FRMPD4: variants seen among roughly 807,000 people sequenced by gnomAD.
FRMPD4 encodes the protein FERM and PDZ domain-containing protein 4.
In FRMPD4, 22 loss-of-function variants were observed where a neutral mutation model predicts 94.1. The observed-to-expected ratio is 0.23, with a 90% CI of 0.17 to 0.33. FRMPD4 has a LOEUF of 0.33. Ranked by LOEUF, FRMPD4 falls within the 10% of genes least tolerant of loss-of-function variation. The pLI, the probability that FRMPD4 is intolerant of heterozygous loss-of-function variation, is 1.00. For synonymous variants in FRMPD4, 631 were observed against 548.6 expected (o/e 1.15, Z -2.10); for missense variants, 1,111 against 1,339.9 (o/e 0.83, Z 2.67).
chrX:11,915,347 A>G (rs925896640), intron 3 of FRMPD4, among the ~76,000 whole-genome samples: 2 of 112,523 alleles, frequency 1.8e-5, no homozygotes, highest in African/African-American at 6.5e-5. Flanking sequence ...CACATGCTGC[A>G]CAATGGAAAC....
chrX:12,645,347 CTTTTTTT>C (rs138817056), intron 4 of FRMPD4, among the ~76,000 whole-genome samples: 7 of 55,641 alleles, frequency 1.3e-4, no homozygotes, highest in South Asian at 1.1e-3. Context: ...CACTCTCACT[CTTTTTTT>C]TTTTTTTTTT....
chrX:12,128,374 CT>C (rs74822735), intron 3 of FRMPD4, among the ~76,000 whole-genome samples: 1 of 111,919 alleles, frequency 8.9e-6, no homozygotes, highest in African/African-American at 3.3e-5. Flanking sequence ...TGAGCTATAC[CT>C]TGACCCCTTT....
chrX:12,035,544 A>C (rs1473053214), intron 3 of FRMPD4, among the ~76,000 whole-genome samples: 1 of 112,269 alleles, frequency 8.9e-6, no homozygotes, highest in Non-Finnish European at 1.9e-5. Flanking sequence ...CTGTATTTCA[A>C]GGTTAACACT....
At chrX:11,928,848 A>G (rs1394027967) in intron 3 of FRMPD4, among the ~76,000 whole-genome samples, 1 of 112,742 alleles carries the variant, frequency 8.9e-6, no homozygotes, top group Non-Finnish European at 1.9e-5. Flanking sequence ...TAGCAAAGAT[A>G]TGGAATAAAC....
chrX:12,095,178 A>T (rs992331756), intron 3 of FRMPD4, among the ~76,000 whole-genome samples: 1 of 110,910 alleles, frequency 9.0e-6, no homozygotes, highest in Non-Finnish European at 1.9e-5. Context: ...GGAATTTGAA[A>T]CCACCCTGGG....
At chrX:12,393,596 T>A (rs1289188973) in intron 1 of FRMPD4, among the ~76,000 whole-genome samples, 1 of 112,268 alleles carries the variant, frequency 8.9e-6, no homozygotes, top group Non-Finnish European at 1.9e-5. Context: ...GCCCCATTTT[T>A]AAATAACCAA....
intron 3 of FRMPD4, among the ~76,000 whole-genome samples, chrX:11,969,826 G>A (rs543469682): frequency 2.7e-5 from 3 of 111,581 alleles, no homozygotes; most frequent in South Asian, 7.7e-4. Flanking sequence ...TAATCGTTTC[G>A]TAGACTATTA....
intron 3 of FRMPD4, among the ~76,000 whole-genome samples, chrX:12,037,179 T>C (rs1326780854): frequency 8.9e-6 from 1 of 111,764 alleles, no homozygotes; most frequent in Admixed American, 9.5e-5. Context: ...CTCAGCTGGA[T>C]GATAGGTAAA....
chrX:12,589,939 A>G (rs2058966166), intron 2 of FRMPD4, among the ~76,000 whole-genome samples: 1 of 112,126 alleles, frequency 8.9e-6, no homozygotes, highest in Non-Finnish European at 1.9e-5. Context: ...TCAGGTCTCA[A>G]TTTGAGACAT....
At chrX:11,846,229 A>G (rs1450081656) in intron 1 of FRMPD4, among the ~76,000 whole-genome samples, 12 of 107,602 alleles carry the variant, frequency 1.1e-4, no homozygotes, top group Admixed American at 1.0e-3. Context: ...ATTCTTATAC[A>G]CCAATAACAG....
intron 1 of FRMPD4, among the ~76,000 whole-genome samples, chrX:12,252,554 A>G (rs1389117949): frequency 8.9e-6 from 1 of 112,226 alleles, no homozygotes; most frequent in Non-Finnish European, 1.9e-5. Flanking sequence ...TCTAGAGGAA[A>G]TGAAAGAGAT....
chrX:12,115,727 A>G (rs5935242), intron 3 of FRMPD4, among the ~76,000 whole-genome samples: 1 of 107,558 alleles, frequency 9.3e-6, no homozygotes, highest in Non-Finnish European at 1.9e-5. Context: ...ATGTCCCTTC[A>G]TTTAGCCTAA....
intron 1 of FRMPD4, among the ~76,000 whole-genome samples, chrX:12,407,541 G>A (rs766664902): frequency 1.8e-5 from 2 of 111,926 alleles, no homozygotes; most frequent in Non-Finnish European, 3.8e-5. Context: ...ATGAAATAAG[G>A]TACTTAAGGC....
At chrX:12,360,655 A>T (rs1335084737) in intron 1 of FRMPD4, among the ~76,000 whole-genome samples, 1 of 111,633 alleles carries the variant, frequency 9.0e-6, no homozygotes, top group African/African-American at 3.3e-5. Flanking sequence ...ACAGGTACTA[A>T]AATCTCATCA....
intron 1 of FRMPD4, among the ~76,000 whole-genome samples, chrX:12,258,720 A>G (rs1230589107): frequency 9.0e-6 from 1 of 111,630 alleles, no homozygotes; most frequent in Non-Finnish European, 1.9e-5. Flanking sequence ...TTGGGGATAC[A>G]TGTGATATTT....
At chrX:12,115,885 C>G (rs1019106774) in intron 3 of FRMPD4, among the ~76,000 whole-genome samples, 12 of 111,976 alleles carry the variant, frequency 1.1e-4, no homozygotes, top group African/African-American at 3.9e-4. Context: ...TCTTCCCTTG[C>G]AAGCTGTGCC....
intron 1 of FRMPD4, among the ~76,000 whole-genome samples, chrX:12,152,699 A>T (rs971708435): frequency 9.0e-6 from 1 of 111,523 alleles, no homozygotes; most frequent in African/African-American, 3.2e-5. Flanking sequence ...TATAATAGAA[A>T]TTTCAGATCT....
chrX:12,193,838 G>GGA lies in FRMPD4; in HGVS notation c.41+54826_41+54827insGA, dbSNP rs1478269492. On this transcript the variant is annotated intron_variant, in intron 1 of 16. Transcript: ENST00000675598. ...AGGAAGGAAGGAAGGAGGGAAGGAA[G>GGA]AAAGAAAAGAAAGAAAAAGGAAGGA... Among the ~76,000 whole-genome samples the GGA allele has an allele frequency of 1.6e-3, 97 of 59,947 alleles. 14 individuals carry two copies. Among genetic ancestry groups the GGA allele is most frequent in the African/African-American group, 6.7e-3 (93 of 13,820 alleles). 52.1% of individuals were successfully genotyped at this position (59,947 alleles called of 115,157 possible).
At chrX:12,431,183 T>G (rs2057005836) in intron 1 of FRMPD4, among the ~76,000 whole-genome samples, 1 of 112,798 alleles carries the variant, frequency 8.9e-6, no homozygotes, top group African/African-American at 3.2e-5. Flanking sequence ...AGATATGTTT[T>G]CTGCTCTCAA....
Sources: gnomAD v4.1 joint callset for allele counts (sites outside exome capture counted in the v4.1 genomes callset) on GRCh38, gnomAD v4.1.1 for gene constraint, MANE v1.5 for transcripts, NCBI Gene and HGNC (gene_info 2026-07-23, HGNC 2026-07-21) for gene names.